NLGN1: variants seen among roughly 807,000 people sequenced by gnomAD.
NLGN1 encodes neuroligin-1.
Under a neutral mutation model 65.5 loss-of-function variants are expected in NLGN1, and 12 were observed. That is an observed-to-expected ratio of 0.18 (90% CI 0.12 to 0.30). The LOEUF is 0.30. Ranked by LOEUF, NLGN1 falls within the 10% of genes least tolerant of loss-of-function variation. The probability of loss-of-function intolerance (pLI) is 1.00; values close to 1 mark genes in which losing one functional copy is unlikely to be tolerated. For missense variants in NLGN1, 750 were observed against 1,007.1 expected (o/e 0.74, Z 3.46); for synonymous variants, 350 against 359.5 (o/e 0.97, Z 0.30).
rs577722075 is a variant in NLGN1, at chr3:173,525,383, A to G, written c.-320-78896A>G. On this transcript the variant is annotated intron_variant, in intron 2 of 6. Coordinates refer to ENST00000457714, the Ensembl canonical transcript of NLGN1. ...TTCCAGGAATTTATCCATTTCCTCTAGGTTTTCTAGTTTGTGCACATGGAG... is the reference window on the plus strand; with the variant it reads ...TTCCAGGAATTTATCCATTTCCTCTGGGTTTTCTAGTTTGTGCACATGGAG... 1.3e-4 allele frequency among the ~76,000 whole-genome samples: 20 copies of G among 152,044 alleles called. No individual in the cohort carries two copies. In the East Asian group the frequency reaches 3.5e-3, roughly 26 times the overall value.
chr3:173,761,335 G>A (rs923241270), intron 3 of NLGN1, among the ~76,000 whole-genome samples: 1 of 151,958 alleles, frequency 6.6e-6, no homozygotes, highest in African/African-American at 2.4e-5. Flanking sequence ...TGTCTCCCTG[G>A]AGGTTGGCAG....
At chr3:173,594,681 C>T (rs1749144278) in intron 2 of NLGN1, among the ~76,000 whole-genome samples, 1 of 152,242 alleles carries the variant, frequency 6.6e-6, no homozygotes, top group Non-Finnish European at 1.5e-5. Flanking sequence ...TTTGCTTCCA[C>T]ACTGCCTTAG....
At chr3:173,922,600 A>G (rs541258869) in intron 4 of NLGN1, among the ~76,000 whole-genome samples, 36 of 152,214 alleles carry the variant, frequency 2.4e-4, no homozygotes, top group African/African-American at 8.2e-4. Context: ...GGTTATTTAT[A>G]TTAATTTTAC....
At chr3:174,067,619 G>A (rs1478980767) in intron 4 of NLGN1, among the ~76,000 whole-genome samples, 1 of 152,050 alleles carries the variant, frequency 6.6e-6, no homozygotes, top group African/African-American at 2.4e-5. Flanking sequence ...CTACTCTGAT[G>A]GGCACAGGAT....
chr3:174,221,907 A>C (rs1738737439), intron 4 of NLGN1, among the ~76,000 whole-genome samples: 1 of 151,706 alleles, frequency 6.6e-6, no homozygotes, highest in African/African-American at 2.4e-5. Context: ...AATGTTGCTC[A>C]TGTTTTTTGT....
chr3:173,567,080 ATTC>A (rs1743809122), intron 2 of NLGN1, among the ~76,000 whole-genome samples: 2 of 152,094 alleles, frequency 1.3e-5, no homozygotes, highest in South Asian at 4.1e-4. Flanking sequence ...AATAGTGCCT[ATTC>A]TTCTTAAAAT....
intron 3 of NLGN1, among the ~76,000 whole-genome samples, chr3:173,676,483 A>G (rs760535206): frequency 1.8e-4 from 27 of 152,146 alleles, no homozygotes; most frequent in Admixed American, 1.4e-3. Flanking sequence ...TATACATGCT[A>G]TGTGTTTCAG....
intron 4 of NLGN1, among the ~76,000 whole-genome samples, chr3:174,097,338 A>G (rs1013175451): frequency 6.6e-6 from 1 of 152,172 alleles, no homozygotes; most frequent in Non-Finnish European, 1.5e-5. Flanking sequence ...AATGGATATG[A>G]GTATCTTTGG....
At chr3:173,649,698 GAA>G (rs1217097431) in intron 3 of NLGN1, among the ~76,000 whole-genome samples, 18 of 151,990 alleles carry the variant, frequency 1.2e-4, no homozygotes, top group Non-Finnish European at 2.9e-5. Context: ...GACCTAGAGA[GAA>G]AGAGAGAGAA....
intron 4 of NLGN1, among the ~76,000 whole-genome samples, chr3:174,124,578 T>C (rs1718482277): frequency 1.2e-5 from 1 of 80,462 alleles, no homozygotes; most frequent in Non-Finnish European, 2.2e-5. Flanking sequence ...CGTATACACA[T>C]ATATACGTAT....
intron 4 of NLGN1, among the ~76,000 whole-genome samples, chr3:174,036,160 A>G (rs1731091299): frequency 6.6e-6 from 1 of 152,188 alleles, no homozygotes; most frequent in African/African-American, 2.4e-5. Context: ...TCAGATTTAA[A>G]ACAAAATAAA....
At chr3:173,513,243 A>G (rs1733279845) in intron 2 of NLGN1, among the ~76,000 whole-genome samples, 1 of 151,974 alleles carries the variant, frequency 6.6e-6, no homozygotes, top group South Asian at 2.1e-4. Context: ...TCCTTTGATA[A>G]TTGCTGTGAG....
At chr3:173,832,906 G>T (rs35839431) in intron 4 of NLGN1, among the ~76,000 whole-genome samples, 23,757 of 151,558 alleles carry the variant, frequency 0.16, 2,153 homozygotes, top group African/African-American at 0.25. Flanking sequence ...AATTTTTCTC[G>T]GTAAAGGTAT....
chr3:174,014,231 G>A (rs776930070), intron 4 of NLGN1, among the ~76,000 whole-genome samples: 18 of 152,126 alleles, frequency 1.2e-4, no homozygotes, highest in Non-Finnish European at 2.4e-4. Context: ...AAATATCTTA[G>A]GATATGTAAA....
At chr3:173,594,780 A>G (rs1749167039) in intron 2 of NLGN1, among the ~76,000 whole-genome samples, 1 of 152,214 alleles carries the variant, frequency 6.6e-6, no homozygotes, top group Non-Finnish European at 1.5e-5. Context: ...ATCTAGGTGG[A>G]GGTTCCCAAA....
At chr3:173,630,152 G>T (rs1484357158) in intron 3 of NLGN1, among the ~76,000 whole-genome samples, 1 of 151,950 alleles carries the variant, frequency 6.6e-6, no homozygotes, top group Admixed American at 6.6e-5. Context: ...AGCTATTTTA[G>T]AAGTTATTAC....
At chr3:173,572,965 CG>C (rs1744887273) in intron 2 of NLGN1, among the ~76,000 whole-genome samples, 1 of 152,148 alleles carries the variant, frequency 6.6e-6, no homozygotes, top group Admixed American at 6.5e-5. Context: ...CCCCAAGTCC[CG>C]GTGTTATTTC....
intron 2 of NLGN1, among the ~76,000 whole-genome samples, chr3:173,473,230 A>G (rs1023752410): frequency 2.6e-5 from 4 of 152,216 alleles, no homozygotes; most frequent in African/African-American, 7.2e-5. Context: ...AATTCAAGCT[A>G]TCACACAGTA....
chr3:174,286,332 CAATT>C (rs1752113729), exon 7 of NLGN1: 1 of 151,168 alleles, frequency 6.6e-6, no homozygotes, highest in South Asian at 2.1e-4. Flanking sequence ...TGAATGATAA[CAATT>C]AAAGCTTTTA....
Sources: allele counts gnomAD v4.1 joint callset (sites outside exome capture counted in the v4.1 genomes callset), GRCh38; gene constraint gnomAD v4.1.1; transcripts MANE v1.5; gene names NCBI Gene and HGNC (gene_info 2026-07-23, HGNC 2026-07-21).